The following AGAP3 variants were observed in gnomAD, a reference collection of about 807,000 sequenced individuals.
The protein encoded by AGAP3 is ArfGAP with GTPase domain, ankyrin repeat and PH domain 3.
AGAP3 carries 24 observed loss-of-function variants against 96.9 expected under a neutral mutation model. That is an observed-to-expected ratio of 0.25 (90% confidence interval 0.18 to 0.35). The LOEUF (loss-of-function observed/expected upper bound fraction) is 0.35. Among genes scored for constraint, AGAP3 ranks in the 10% least tolerant of loss-of-function variants. AGAP3 has a pLI of 1.00. For synonymous variants in AGAP3, 563 were observed against 536.1 expected (o/e 1.05, Z -0.69); for missense variants, 876 against 1,254.2 (o/e 0.70, Z 4.55).
intron 9 of AGAP3, among the ~76,000 whole-genome samples, chr7:151,125,785 G>A (rs1257200908): frequency 6.6e-6 from 1 of 152,226 alleles, no homozygotes; most frequent in Non-Finnish European, 1.5e-5. Flanking sequence ...CATTTCAGTT[G>A]CCATTTGCAT....
intron 1 of AGAP3, among the ~76,000 whole-genome samples, chr7:151,101,748 G>C (rs951529056): frequency 2.6e-5 from 4 of 152,182 alleles, no homozygotes; most frequent in Non-Finnish European, 5.9e-5. Context: ...AGGATAGGCC[G>C]AACCTCCCAG....
At chr7:151,087,379 G>A (rs1055740794) in intron 1 of AGAP3, among the ~76,000 whole-genome samples, 1 of 152,204 alleles carries the variant, frequency 6.6e-6, no homozygotes, top group African/African-American at 2.4e-5. Flanking sequence ...CGCGGCAGAG[G>A]GCTTCAGCTG....
chr7:151,103,462 T>G (rs908124730), intron 1 of AGAP3, among the ~76,000 whole-genome samples: 1 of 152,082 alleles, frequency 6.6e-6, no homozygotes, highest in Non-Finnish European at 1.5e-5. Context: ...CCCAGCTTTT[T>G]ATTTTGAAAA....
At chr7:151,115,646 G>C (rs1347485842) in intron 1 of AGAP3, 2 of 1,166,272 alleles carry the variant, frequency 1.7e-6, no homozygotes, top group Non-Finnish European at 2.1e-6. Context: ...CCAGCGGTAA[G>C]GGGGCGGGCC....
At chr7:151,130,269 GGT>G (rs1292752909) in intron 10 of AGAP3, among the ~76,000 whole-genome samples, 4 of 152,164 alleles carry the variant, frequency 2.6e-5, no homozygotes, top group Admixed American at 1.3e-4. Flanking sequence ...AGTGGCAAGG[GGT>G]GTCTTGGATG....
chr7:151,095,176 C>T (rs1798549987), intron 1 of AGAP3, among the ~76,000 whole-genome samples: 1 of 152,208 alleles, frequency 6.6e-6, no homozygotes, highest in Non-Finnish European at 1.5e-5. Context: ...GTTTTAATCT[C>T]TTTTAATGTA....
intron 1 of AGAP3, among the ~76,000 whole-genome samples, chr7:151,104,092 A>AT (rs1180490628): frequency 6.6e-6 from 1 of 152,068 alleles, no homozygotes; most frequent in African/African-American, 2.4e-5. Flanking sequence ...TGATCATTCC[A>AT]CACGCTCGAA....
chr7:151,123,868 C>G lies in AGAP3; in HGVS notation c.1203C>G (p.Arg401=). 1 of 1,609,568 alleles carries G rather than the reference C, an allele frequency of 6.2e-7. No individual in the cohort carries two copies. The highest frequency in any genetic ancestry group is 1.7e-4 in the Middle Eastern group (1 of 6,034). ...AGGTGGACAGCATCGGGAGCGGCCGCGCCATCCCCATCAAGCAGGTCAGCG... is the reference window on the plus strand; with the variant it reads ...AGGTGGACAGCATCGGGAGCGGCCGGGCCATCCCCATCAAGCAGGTCAGCG... The part of the protein sequence containing the change: ...ECKVDSIGSG[R]AIPIKQGILL... Residue 401 remains arginine, a synonymous_variant, in exon 9 of 18, where the codon CGC becomes CGG. Transcript: ENST00000397238.
rs1461397061 is a variant in AGAP3, at chr7:151,140,754, G to C, written c.1804+638G>C. On this transcript the variant is annotated intron_variant, in intron 13 of 17. Transcript: ENST00000397238. This position sits in a 1 kb window ranked among gnomAD's most constrained non-coding sequence, Gnocchi z 5.4. ...TGGGTCAGGGGAGCAGAGACACCTA[G>C]CCAACCTGTGACACAGTGATGCTTA... 6.6e-6 allele frequency: 1 copy of C among 152,168 alleles called. No homozygotes were observed. The highest frequency in any genetic ancestry group is 2.4e-5 in the African/African-American group (1 of 41,408). 9.4% of individuals were successfully genotyped at this position (152,168 alleles called of 1,614,324 possible). A position where few individuals can be genotyped will look rare whatever the true frequency, so the allele number is the denominator to read the frequency against.
chr7:151,107,756 G>C (rs1329481070), intron 1 of AGAP3, among the ~76,000 whole-genome samples: 1 of 152,242 alleles, frequency 6.6e-6, no homozygotes, highest in Admixed American at 6.5e-5. Context: ...CAGAACTCTA[G>C]CTCATGGGAC....
chr7:151,123,536 C>T, intron 8 of AGAP3: 1 of 1,305,528 alleles, frequency 7.7e-7, no homozygotes. Flanking sequence ...TCCTCGCGCC[C>T]TCGGCCTCTC....
chr7:151,102,518 G>A (rs1449680386), intron 1 of AGAP3, among the ~76,000 whole-genome samples: 1 of 149,798 alleles, frequency 6.7e-6, no homozygotes, highest in African/African-American at 2.5e-5. Context: ...CCAGCACTTT[G>A]AGAAGCCAAG....
Position 151,141,136 on chromosome 7 carries a change from C to T in AGAP3, c.1805-762C>T, listed in dbSNP as rs77332378. ...CTTTCCAGCCCCCAGGACACAGTCA[C>T]ACTGCTTGTTAGGAATTGTTCACCC... On this transcript the variant is annotated intron_variant, in intron 13 of 17. Coordinates refer to ENST00000397238, the MANE Select transcript of AGAP3 (RefSeq NM_031946.7). This position sits in a 1 kb window ranked among gnomAD's most constrained non-coding sequence, Gnocchi z 4.2. 4,352 of 152,326 alleles carry T rather than the reference C, an allele frequency of 0.029. 92 individuals are homozygous for T. The highest frequency in any genetic ancestry group is 0.058 in the Middle Eastern group (17 of 294). 9.4% of individuals were successfully genotyped at this position (152,326 alleles called of 1,614,324 possible).
At chr7:151,089,822 G>A (rs1271966771) in intron 1 of AGAP3, 1 of 152,136 alleles carries the variant, frequency 6.6e-6, no homozygotes, top group Admixed American at 6.5e-5. Context: ...CTGGGAGGGA[G>A]AGCTGGAGGG....
Position 151,114,842 on chromosome 7 carries a change from C to G in AGAP3, c.332-1951C>G, listed in dbSNP as rs1160585692. ...CCGCCGCTTGCCGCCGCGCCCACAG[C>G]GTCTGCGACTCGCTGGACCTGCACG... On this transcript the variant is annotated intron_variant, in intron 1 of 17. Coordinates refer to ENST00000397238, the MANE Select transcript of AGAP3 (RefSeq NM_031946.7). The surrounding 1 kb of genome is among the most constrained non-coding windows in gnomAD (Gnocchi z 4.4). 1 of 1,054,782 alleles carries G rather than the reference C, an allele frequency of 9.5e-7. No homozygotes were observed. Among genetic ancestry groups the G allele is most frequent in the South Asian group, 3.3e-5 (1 of 30,578 alleles). 65.3% of individuals were successfully genotyped at this position (1,054,782 alleles called of 1,614,324 possible).
At chr7:151,107,800 T>C (rs1799118874) in intron 1 of AGAP3, among the ~76,000 whole-genome samples, 1 of 152,220 alleles carries the variant, frequency 6.6e-6, no homozygotes, top group Non-Finnish European at 1.5e-5. Context: ...GAGAACCACA[T>C]TTTTAAATGT....
chr7:151,134,253 G>T, intron 10 of AGAP3, 147 bp from the exon 11 acceptor site: 1 of 695,952 alleles, frequency 1.4e-6, no homozygotes, highest in Non-Finnish European at 2.2e-6. Context: ...CAGACTCGGA[G>T]ACATTCTGTG....
rs1799718337 is a variant in AGAP3 at position 151,118,707 on chromosome 7, G to C, written c.969+75G>C. The C allele has an allele frequency of 3.8e-6, 6 of 1,559,568 alleles. No individual in the cohort carries two copies. Among genetic ancestry groups the C allele is most frequent in the Non-Finnish European group, 4.4e-6 (5 of 1,146,996 alleles). ...TGCCTCTGTGCGTCCTGCCACTTCT[G>C]CTGGCCTCCTGCTCACACCTGTCCA... On this transcript the variant is annotated intron_variant, in intron 7 of 17. Transcript: ENST00000397238. This position sits in a 1 kb window ranked among gnomAD's most constrained non-coding sequence, Gnocchi z 6.1.
chr7:151,115,406 G>C (rs6971966), intron 1 of AGAP3: 707,828 of 1,016,788 alleles, frequency 0.7, 248,016 homozygotes, highest in East Asian at 0.98. Flanking sequence ...CCCGGCCGCC[G>C]CGCGCGCGCA....
Sources: gnomAD v4.1 joint callset for allele counts (sites outside exome capture counted in the v4.1 genomes callset) on GRCh38, gnomAD v4.1.1 for gene constraint, Gnocchi (gnomAD v3.1) non-coding constraint, MANE v1.5 for transcripts, NCBI Gene and HGNC (gene_info 2026-07-23, HGNC 2026-07-21) for gene names.